Variants in RNGTT observed in about 807,000 individuals in gnomAD.
The protein encoded by RNGTT is RNA guanylyltransferase and 5'-phosphatase, also known as mRNA-capping enzyme.
RNGTT carries 33 observed loss-of-function variants against 79.3 expected under a neutral mutation model. That is an observed-to-expected ratio of 0.42 (90% CI 0.32 to 0.56). The LOEUF is 0.56. Ranked by LOEUF, RNGTT falls within the 20% of genes least tolerant of loss-of-function variation. The pLI, the probability that RNGTT is intolerant of heterozygous loss-of-function variation, is 0.17. For missense variants in RNGTT, 497 were observed against 739.1 expected, an observed-to-expected ratio of 0.67 and a Z score of 3.80; for synonymous variants, 222 against 235.9, an observed-to-expected ratio of 0.94 and a Z score of 0.54.
intron 13 of RNGTT, chr6:88,714,119 C>A (rs1227770791): frequency 6.6e-6 from 1 of 151,992 alleles, no homozygotes; most frequent in Admixed American, 6.5e-5. Flanking sequence ...TCTTACCTCC[C>A]GAAGATACAC....
At chr6:88,824,963 A>C (rs915961343) in intron 11 of RNGTT, among the ~76,000 whole-genome samples, 4 of 151,934 alleles carry the variant, frequency 2.6e-5, no homozygotes, top group African/African-American at 9.7e-5. Flanking sequence ...GGCTGGTCTC[A>C]AACTCCTGAC....
At chr6:88,616,053 A>AT (rs1772205091) in intron 14 of RNGTT, among the ~76,000 whole-genome samples, 1 of 152,092 alleles carries the variant, frequency 6.6e-6, no homozygotes, top group Non-Finnish European at 1.5e-5. Context: ...TGTTTCTATG[A>AT]TTTTGACTAC....
intron 13 of RNGTT, among the ~76,000 whole-genome samples, chr6:88,740,216 C>T (rs1777437338): frequency 6.6e-6 from 1 of 151,886 alleles, no homozygotes; most frequent in Non-Finnish European, 1.5e-5. Flanking sequence ...GAATTAAAAG[C>T]GATCAAAAAA....
At chr6:88,756,487 G>T (rs528015224) in intron 13 of RNGTT, among the ~76,000 whole-genome samples, 1 of 152,120 alleles carries the variant, frequency 6.6e-6, no homozygotes, top group East Asian at 1.9e-4. Flanking sequence ...AAACAAAAAA[G>T]AGGTAAAATT....
chr6:88,809,532 G>A (rs1220483583), intron 11 of RNGTT, among the ~76,000 whole-genome samples: 1 of 151,964 alleles, frequency 6.6e-6, no homozygotes, highest in African/African-American at 2.4e-5. Flanking sequence ...TATATTCTCT[G>A]ATCATAATGA....
chr6:88,809,243 A>G (rs1332129276), intron 11 of RNGTT, among the ~76,000 whole-genome samples: 1 of 152,158 alleles, frequency 6.6e-6, no homozygotes, highest in Non-Finnish European at 1.5e-5. Context: ...AATAAAACTG[A>G]CAAAATAGAT....
At chr6:88,885,347 T>C (rs1429056226) in intron 8 of RNGTT, among the ~76,000 whole-genome samples, 1 of 151,630 alleles carries the variant, frequency 6.6e-6, no homozygotes, top group African/African-American at 2.4e-5. Flanking sequence ...GAGGGAGAGA[T>C]GTCAAAAGAC....
At chr6:88,681,330 C>A (rs1269988537) in intron 13 of RNGTT, among the ~76,000 whole-genome samples, 7 of 152,110 alleles carry the variant, frequency 4.6e-5, no homozygotes. Flanking sequence ...TAAGAAATTT[C>A]TTAAATATAT....
chr6:88,633,947 C>A (rs930349078), intron 14 of RNGTT, among the ~76,000 whole-genome samples: 4 of 152,114 alleles, frequency 2.6e-5, no homozygotes, highest in Non-Finnish European at 5.9e-5. Context: ...GGGAAACAAA[C>A]AACCAAAATA....
intron 1 of RNGTT, among the ~76,000 whole-genome samples, chr6:88,943,672 A>G (rs1784921022): frequency 6.6e-6 from 1 of 152,134 alleles, no homozygotes; most frequent in South Asian, 2.1e-4. Flanking sequence ...ATAAATAAAT[A>G]AATAAGAAGA....
chr6:88,665,553 C>A (rs1183897804), intron 14 of RNGTT, among the ~76,000 whole-genome samples: 2 of 152,222 alleles, frequency 1.3e-5, no homozygotes, highest in Non-Finnish European at 2.9e-5. Context: ...GGGGTTATTG[C>A]CAGCTAAGGA....
chr6:88,827,699 G>A (rs765687074), intron 11 of RNGTT, among the ~76,000 whole-genome samples: 3 of 152,178 alleles, frequency 2.0e-5, no homozygotes. Context: ...GCTGGAGCTT[G>A]GTGGGGGGAG....
At chr6:88,941,274 A>G in intron 1 of RNGTT, 94 bp from the exon 2 acceptor site, 1 of 878,770 alleles carries the variant, frequency 1.1e-6, no homozygotes, top group Non-Finnish European at 1.8e-6. Flanking sequence ...CCTTCTTAAA[A>G]CCTTTTTTTT....
intron 6 of RNGTT, among the ~76,000 whole-genome samples, chr6:88,895,645 T>C (rs1783219827): frequency 6.6e-6 from 1 of 152,208 alleles, no homozygotes; most frequent in Admixed American, 6.5e-5. Context: ...TGTCAAGAGA[T>C]GTGATCTATA....
chr6:88,700,106 G>A (rs1186721808), intron 13 of RNGTT, among the ~76,000 whole-genome samples: 1 of 152,102 alleles, frequency 6.6e-6, no homozygotes, highest in Non-Finnish European at 1.5e-5. Flanking sequence ...TGGTTAAAAT[G>A]GTAAATTTCA....
intron 1 of RNGTT, among the ~76,000 whole-genome samples, chr6:88,962,474 A>G (rs962521588): frequency 2.0e-5 from 3 of 152,152 alleles, no homozygotes; most frequent in African/African-American, 7.2e-5. Flanking sequence ...TCCACAAAAA[A>G]TAAACAAAAA....
Position 88,963,569 on chromosome 6 carries a change from G to C in RNGTT, c.-160C>G, listed in dbSNP as rs929572435. 3.2e-6 allele frequency: 2 copies of C among 618,602 alleles called. No homozygotes were observed. The highest frequency in any genetic ancestry group is 1.9e-5 in the African/African-American group (1 of 51,496). 38.3% of individuals were successfully genotyped at this position (618,602 alleles called of 1,614,324 possible). On this transcript the variant is annotated 5_prime_UTR_variant, in exon 1 of 16. Transcript: ENST00000369485. Reference sequence around the variant, plus strand: ...ATCCGGGTAACGTCAGGGGCGGCGCGCCACTTTCATTCAGGATCAACTCCA... The same window carrying C: ...ATCCGGGTAACGTCAGGGGCGGCGCCCCACTTTCATTCAGGATCAACTCCA...
intron 8 of RNGTT, among the ~76,000 whole-genome samples, chr6:88,872,429 A>G (rs1429265170): frequency 6.6e-6 from 1 of 152,200 alleles, no homozygotes; most frequent in African/African-American, 2.4e-5. Context: ...ATAGGTACAA[A>G]AAAAAAGAAT....
At chr6:88,896,414 T>C (rs1783248336) in intron 6 of RNGTT, among the ~76,000 whole-genome samples, 1 of 152,214 alleles carries the variant, frequency 6.6e-6, no homozygotes, top group African/African-American at 2.4e-5. Context: ...AGTTAGTCTC[T>C]GCATGTGGCT....
Sources: gnomAD v4.1 joint callset for allele counts (sites outside exome capture counted in the v4.1 genomes callset) on GRCh38, gnomAD v4.1.1 for gene constraint, MANE v1.5 for transcripts, NCBI Gene and HGNC (gene_info 2026-07-23, HGNC 2026-07-21) for gene names.